ANKK1: variants seen among roughly 807,000 people sequenced by gnomAD.
ANKK1 encodes ankyrin repeat and protein kinase domain-containing protein 1.
ANKK1 carries 37 observed loss-of-function variants against 37.6 expected under a neutral mutation model. The ratio of observed to expected loss-of-function variants is 0.98; its 90% CI spans 0.76 to 1.29. The LOEUF (loss-of-function observed/expected upper bound fraction) is 1.29, where lower values mean the gene tolerates loss of function less well. Ranked by LOEUF, ANKK1 falls within the 50% of genes most tolerant of loss-of-function variation. The pLI is 0.00. For missense variants in ANKK1, 1,019 were observed against 990.6 expected (o/e 1.03, Z -0.39); for synonymous variants, 415 against 418.7 (o/e 0.99, Z 0.11).
At position 113,393,547 on chromosome 11, in the gene ANKK1, G is replaced by A. The variant is rs373051400; in HGVS notation, c.252G>A (p.Val84=). 1.9e-6 allele frequency: 3 copies of A among 1,613,884 alleles called. No homozygotes were observed. Among genetic ancestry groups the A allele is most frequent in the African/African-American group, 2.7e-5 (2 of 74,928 alleles). Reference sequence around the variant, plus strand: ...AGAAGATCAAGTTTCAGCACATCGTGTCTATCTACGGGGTGTGCAAGCAGC... The same window carrying A: ...AGAAGATCAAGTTTCAGCACATCGTATCTATCTACGGGGTGTGCAAGCAGC... ...KMKKIKFQHI[V]SIYGVCKQPL... The change falls in exon 2 of 8, where the codon GTG becomes GTA. Residue 84 remains valine (V), a synonymous_variant. Transcript: ENST00000303941.
Position 113,395,018 on chromosome 11 carries a change from C to T in ANKK1, c.570C>T (p.Tyr190=). The stretch of plus-strand genomic sequence containing the variant: ...CGGCTCTGCGGGGCATGCTCAGCTA[C>T]ATCCCCCCTGAGATGTTCCTGGAGA... The part of the protein sequence containing the change: ...ERSALRGMLS[Y]IPPEMFLESN... Residue 190 remains tyrosine, a synonymous_variant, in exon 3 of 8, where the codon TAC becomes TAT. Coordinates refer to ENST00000303941, the MANE Select transcript of ANKK1 (RefSeq NM_178510.2). 6.2e-7 allele frequency: 1 copy of T among 1,613,488 alleles called. No individual in the cohort carries two copies. Among genetic ancestry groups the T allele is most frequent in the South Asian group, 1.1e-5 (1 of 90,854 alleles).
chr11:113,396,776 C>A (rs751720683), intron 5 of ANKK1, among the ~76,000 whole-genome samples: 19 of 152,146 alleles, frequency 1.2e-4, no homozygotes, highest in South Asian at 4.2e-4. Context: ...AGAAAACCCT[C>A]GGTGCCAAAA....
intron 1 of ANKK1, 65 bp from the exon 2 acceptor site, chr11:113,393,416 T>G (rs2138126273): frequency 6.6e-7 from 1 of 1,518,820 alleles, no homozygotes; most frequent in Middle Eastern, 1.8e-4. Flanking sequence ...AGTTTATGTG[T>G]TCAGCTGGTT....
At chr11:113,394,733 G>A (rs1343473812) in intron 2 of ANKK1, 196 bp from the exon 3 acceptor site, 1 of 747,718 alleles carries the variant, frequency 1.3e-6, no homozygotes, top group Non-Finnish European at 2.3e-6. Flanking sequence ...TACAGGTGAA[G>A]AAACTGAGGC....
chr11:113,394,911 G>A lies in ANKK1; in HGVS notation c.481-18G>A. The A allele has an allele frequency of 1.2e-6, 2 of 1,603,618 alleles. No homozygotes were observed. Among genetic ancestry groups the A allele is most frequent in the Non-Finnish European group, 1.7e-6 (2 of 1,172,496 alleles). On this transcript the variant is annotated intron_variant, in intron 2 of 7. Coordinates refer to ENST00000303941, the MANE Select transcript of ANKK1 (RefSeq NM_178510.2). ...GAGGCTCTATCACGGCTTTATCTCT[G>A]CCCCTGCCTTCTCCCAGATTTCAGA...
chr11:113,390,123 A>C (rs1242512545), intron 1 of ANKK1, among the ~76,000 whole-genome samples: 1 of 152,180 alleles, frequency 6.6e-6, no homozygotes, highest in Non-Finnish European at 1.5e-5. Context: ...AGCTAACTTG[A>C]TGTCTGGCTT....
At chr11:113,392,939 C>T (rs960716413) in intron 1 of ANKK1, among the ~76,000 whole-genome samples, 1 of 152,094 alleles carries the variant, frequency 6.6e-6, no homozygotes, top group African/African-American at 2.4e-5. Flanking sequence ...GAAAGAGATA[C>T]CTTGAAGGTG....
In ANKK1 at chr11:113,399,342, A is replaced by G. The variant is rs184645039; in HGVS notation, c.1373A>G (p.Glu458Gly). Residue 458 changes from glutamate (E) to glycine (G), a missense_variant, in exon 8 of 8, where the codon GAA becomes GGA. By Grantham distance (98) the Glu-to-Gly change is moderately conservative (BLOSUM62 -2). Coordinates refer to ENST00000303941, the MANE Select transcript of ANKK1 (RefSeq NM_178510.2). The stretch of plus-strand genomic sequence containing the variant: ...CACGGGGCCTGTGTGGATGCCCAGG[A>G]ACGTGAAGGGTGGACCCCTCTTCAC... The part of the protein sequence containing the change: ...LDHGACVDAQ[E>G]REGWTPLHLA... 2.1e-4 allele frequency: 336 copies of G among 1,600,612 alleles called. No individual in the cohort carries two copies. In the African/African-American group the frequency reaches 4.1e-3, roughly 19 times the overall value.
intron 6 of ANKK1, 136 bp downstream of exon 6, chr11:113,397,478 A>T: frequency 2.9e-6 from 2 of 678,630 alleles, no homozygotes; most frequent in Non-Finnish European, 4.9e-6. Flanking sequence ...GAGGGGACAC[A>T]TTTCCCTAAT....
Position 113,399,784 on chromosome 11 carries a change from C to A in ANKK1, c.1815C>A (p.His605Gln). ...TPLHLAAYKG[H>Q]LEIIHLLAES... ...TGCATCTAGCAGCCTACAAGGGCCA[C>A]CTGGAGATCATCCATCTGCTGGCAG... Residue 605 changes from histidine to glutamine, a missense_variant, in exon 8 of 8, where the codon CAC (histidine) becomes CAA (glutamine). By Grantham distance (24) the His-to-Gln change is conservative. Transcript: ENST00000303941. 1 of 1,603,622 alleles carries A rather than the reference C, an allele frequency of 6.2e-7. No homozygotes were observed. Among genetic ancestry groups the A allele is most frequent in the Non-Finnish European group, 8.5e-7 (1 of 1,175,344 alleles).
Position 113,399,306 on chromosome 11 carries a change from T to A in ANKK1, c.1337T>A (p.Leu446Gln). 15 of 1,601,236 alleles carry A rather than the reference T, an allele frequency of 9.4e-6. No individual in the cohort carries two copies. The highest frequency in any genetic ancestry group is 1.3e-5 in the Non-Finnish European group (15 of 1,174,282). Residue 446 changes from leucine (L) to glutamine (Q), a missense_variant, in exon 8 of 8, where the codon CTG (leucine) becomes CAG (glutamine). Leu to Gln is a moderately radical substitution (Grantham distance 113, BLOSUM62 -2). Transcript: ENST00000303941. ...AATGGGGATGACGGCACTGCGCGCC[T>A]GCTCCTGGACCACGGGGCCTGTGTG... ...AQNGDDGTAR[L>Q]LLDHGACVDA...
rs2138127564 is a variant in ANKK1 at position 113,393,743 on chromosome 11, A to T, written c.448A>T (p.Asn150Tyr). Residue 150 changes from asparagine to tyrosine, a missense_variant, in exon 2 of 8, where the codon AAC becomes TAC. Coordinates refer to ENST00000303941, the MANE Select transcript of ANKK1 (RefSeq NM_178510.2). ...PLLHLDLKPG[N>Y]ILLDSNMHVK... ...GCTCCACCTGGACCTCAAGCCGGGC[A>T]ACATACTCCTGGACAGCAACATGCA... is the stretch of plus-strand genomic sequence containing the variant. 1.9e-6 allele frequency: 3 copies of T among 1,612,116 alleles called. No homozygotes were observed. The highest frequency in any genetic ancestry group is 2.5e-6 in the Non-Finnish European group (3 of 1,179,690).
At chr11:113,397,384 T>C in intron 6 of ANKK1, 42 bp downstream of exon 6, 1 of 1,527,940 alleles carries the variant, frequency 6.5e-7, no homozygotes, top group East Asian at 2.3e-5. Flanking sequence ...CATGCTAAGC[T>C]GGAGCCCGCT....
rs773594486 is a variant in ANKK1, at chr11:113,400,039, G to A, written c.2070G>A (p.Lys690=). 6.2e-7 allele frequency: 1 copy of A among 1,613,360 alleles called. No individual in the cohort carries two copies. Among genetic ancestry groups the A allele is most frequent in the Non-Finnish European group, 8.5e-7 (1 of 1,179,784 alleles). ...EHHANVHARN[K]VGWTPAHLAA... The stretch of plus-strand genomic sequence containing the variant: ...ACGCAAATGTCCACGCCCGCAACAA[G>A]GTGGGCTGGACACCCGCCCACCTGG... The change falls in exon 8 of 8, where the codon AAG becomes AAA. Residue 690 remains lysine (K), a synonymous_variant. Transcript: ENST00000303941.
At chr11:113,396,998 C>T (rs1186393200) in intron 5 of ANKK1, among the ~76,000 whole-genome samples, 1 of 152,184 alleles carries the variant, frequency 6.6e-6, no homozygotes, top group African/African-American at 2.4e-5. Flanking sequence ...CCTGAACTTG[C>T]CCCCTCATTC....
At position 113,399,795 on chromosome 11, in the gene ANKK1, T is replaced by C; in HGVS notation, c.1826T>C (p.Ile609Thr). ...GCCTACAAGGGCCACCTGGAGATCATCCATCTGCTGGCAGAGAGCCACGCA... is the reference window on the plus strand; with the variant it reads ...GCCTACAAGGGCCACCTGGAGATCACCCATCTGCTGGCAGAGAGCCACGCA... ...LAAYKGHLEI[I>T]HLLAESHANM... Residue 609 changes from isoleucine (I) to threonine (T), a missense_variant, in exon 8 of 8, where the codon ATC becomes ACC. Transcript: ENST00000303941. 1.2e-6 allele frequency: 2 copies of C among 1,603,656 alleles called. No individual in the cohort carries two copies. Among genetic ancestry groups the C allele is most frequent in the Non-Finnish European group, 1.7e-6 (2 of 1,175,392 alleles).
intron 1 of ANKK1, among the ~76,000 whole-genome samples, chr11:113,389,948 T>C (rs1391276932): frequency 6.6e-6 from 1 of 152,096 alleles, no homozygotes; most frequent in East Asian, 1.9e-4. Flanking sequence ...GTTAGGAGAT[T>C]GTTATCTTCA....
rs745509772 is a variant in ANKK1 at position 113,399,643 on chromosome 11, G to GACC, written c.1675_1676insCCA (p.Gln558_Ser559insThr). The GACC allele has an allele frequency of 1.0e-5, 16 of 1,605,150 alleles. No individual in the cohort carries two copies. In the Admixed American group the frequency reaches 1.0e-4, roughly 10 times the overall value. The stretch of plus-strand genomic sequence containing the variant: ...GAGCGGTCCCTGATGCCCTTGACCA[G>GACC]AGCGGCTACGGCCCACTGCACACTG... On this transcript the variant is annotated inframe_insertion, in exon 8 of 8. Transcript: ENST00000303941.
At chr11:113,388,455 AC>A (rs1950563939) in intron 1 of ANKK1, among the ~76,000 whole-genome samples, 1 of 151,104 alleles carries the variant, frequency 6.6e-6, no homozygotes, top group Non-Finnish European at 1.5e-5. Context: ...CCTCCTACCC[AC>A]CCCAGCTCTC....
Sources: allele counts gnomAD v4.1 joint callset (sites outside exome capture counted in the v4.1 genomes callset), GRCh38; gene constraint gnomAD v4.1.1; transcripts MANE v1.5; gene names NCBI Gene and HGNC (gene_info 2026-07-23, HGNC 2026-07-21).